The following CCDC3 variants were observed in gnomAD, a reference collection of about 807,000 sequenced individuals.
The protein encoded by CCDC3 is coiled-coil domain-containing protein 3.
A neutral mutation model predicts 21.4 loss-of-function variants in CCDC3; 24 were observed. The ratio of observed to expected loss-of-function variants is 1.12; its 90% confidence interval spans 0.81 to 1.58. The LOEUF is 1.58. Among genes scored for constraint, CCDC3 ranks in the 40% most tolerant of loss-of-function variants. The probability of loss-of-function intolerance (pLI) is 0.00; values close to 1 mark genes in which losing one functional copy is unlikely to be tolerated. For missense variants in CCDC3, 425 were observed against 360.9 expected, an observed-to-expected ratio of 1.18 and a Z score of -1.44; for synonymous variants, 186 against 166.0, an observed-to-expected ratio of 1.12 and a Z score of -0.93.
intron 5 of CCDC3, among the ~76,000 whole-genome samples, chr10:13,017,246 G>A (rs902403605): frequency 2.0e-5 from 3 of 151,974 alleles, no homozygotes; most frequent in Non-Finnish European, 2.9e-5. Context: ...GCCAGGCACG[G>A]TGGCTCACGT....
At chr10:13,046,707 CAAA>C (rs35466054) in intron 5 of CCDC3, among the ~76,000 whole-genome samples, 74 of 138,082 alleles carry the variant, frequency 5.4e-4, no homozygotes, top group South Asian at 4.7e-4. Context: ...AACTCCGTCT[CAAA>C]AAAAAAAAAA....
At chr10:13,089,628 C>T (rs186665825) in intron 3 of CCDC3, among the ~76,000 whole-genome samples, 571 of 152,064 alleles carry the variant, frequency 3.8e-3, no homozygotes, top group Non-Finnish European at 6.7e-3. Flanking sequence ...TCAGCACCCC[C>T]CCTTAAATTG....
chr10:12,979,816 GTTGAT>G (rs1835468295), intron 2 of CCDC3, among the ~76,000 whole-genome samples: 1 of 152,158 alleles, frequency 6.6e-6, no homozygotes, highest in Admixed American at 6.5e-5. Context: ...AATGATATGG[GTTGAT>G]TTGTTCACTT....
At chr10:12,958,766 C>A (rs1255590245) in intron 2 of CCDC3, among the ~76,000 whole-genome samples, 1 of 152,174 alleles carries the variant, frequency 6.6e-6, no homozygotes, top group Non-Finnish European at 1.5e-5. Flanking sequence ...TCAGCCTCAT[C>A]CTCATCCTCG....
intron 2 of CCDC3, among the ~76,000 whole-genome samples, chr10:12,927,398 G>A (rs934221614): frequency 6.6e-6 from 1 of 152,086 alleles, no homozygotes; most frequent in African/African-American, 2.4e-5. Context: ...CTCAATACTA[G>A]CTAATACTCA....
chr10:12,927,426 ATTTC>A (rs1834560962), intron 2 of CCDC3, among the ~76,000 whole-genome samples: 1 of 152,184 alleles, frequency 6.6e-6, no homozygotes, highest in Non-Finnish European at 1.5e-5. Context: ...TGCCTCACAG[ATTTC>A]TTTTTTATAT....
intron 5 of CCDC3, among the ~76,000 whole-genome samples, chr10:13,014,882 G>T (rs1345429821): frequency 6.6e-6 from 1 of 152,050 alleles, no homozygotes; most frequent in South Asian, 2.1e-4. Flanking sequence ...GAAACAGTGT[G>T]GTAATTGTGC....
intron 2 of CCDC3, among the ~76,000 whole-genome samples, chr10:12,986,956 CAA>C (rs2131276755): frequency 6.6e-6 from 1 of 152,236 alleles, no homozygotes; most frequent in South Asian, 2.1e-4. Flanking sequence ...AGTATAGTCA[CAA>C]ATCCTGACCC....
In CCDC3 at chr10:12,944,156, G is replaced by A. The variant is rs983675047; in HGVS notation, c.550-45477C>T. Reference sequence around the variant, plus strand: ...ATTTTACCCCAAAATATATTTCTTTGACATATTCCAAAATGGCCCTACAAA... The same window carrying A: ...ATTTTACCCCAAAATATATTTCTTTAACATATTCCAAAATGGCCCTACAAA... On this transcript the variant is annotated intron_variant, in intron 2 of 2. Transcript: ENST00000378825. Among the ~76,000 whole-genome samples, 72 of 152,256 alleles carry A rather than the reference G, an allele frequency of 4.7e-4. 1 individual carries two copies. The highest frequency in any genetic ancestry group is 1.6e-3 in the African/African-American group (68 of 41,546).
At chr10:13,085,465 T>C (rs932269909) in intron 3 of CCDC3, among the ~76,000 whole-genome samples, 2 of 152,220 alleles carry the variant, frequency 1.3e-5, no homozygotes, top group African/African-American at 2.4e-5. Flanking sequence ...ACACAGCAGA[T>C]GGATTTTCAG....
intron 2 of CCDC3, among the ~76,000 whole-genome samples, chr10:12,968,314 T>G (rs1835292800): frequency 6.6e-6 from 1 of 151,938 alleles, no homozygotes; most frequent in South Asian, 2.1e-4. Context: ...AGTAGAAACC[T>G]AAGCCGTGAA....
chr10:12,938,930 CCTT>C (rs1357379541), intron 2 of CCDC3, among the ~76,000 whole-genome samples: 1 of 152,208 alleles, frequency 6.6e-6, no homozygotes, highest in Non-Finnish European at 1.5e-5. Context: ...AATCCCCTTG[CCTT>C]CTTGTCTTTT....
At chr10:12,920,796 C>T (rs1402254523) in intron 2 of CCDC3, among the ~76,000 whole-genome samples, 1 of 152,138 alleles carries the variant, frequency 6.6e-6, no homozygotes, top group Non-Finnish European at 1.5e-5. Flanking sequence ...TGCCTAAGTC[C>T]CCGTGACAAG....
chr10:12,898,815 C>G, intron 2 of CCDC3, 136 bp from the exon 3 acceptor site: 1 of 1,016,650 alleles, frequency 9.8e-7, no homozygotes, highest in South Asian at 1.7e-5. Flanking sequence ...GGGCATAAAC[C>G]CCAGGATGTC....
intron 5 of CCDC3, among the ~76,000 whole-genome samples, chr10:13,024,222 C>T (rs1589043281): frequency 6.6e-6 from 1 of 150,590 alleles, no homozygotes; most frequent in Admixed American, 6.6e-5. Context: ...TATCTCTTTC[C>T]TTAGTTTTTT....
intron 2 of CCDC3, among the ~76,000 whole-genome samples, chr10:12,916,093 T>G (rs1387268604): frequency 2.6e-5 from 4 of 151,986 alleles, no homozygotes; most frequent in African/African-American, 9.7e-5. Context: ...AGAATAGCAA[T>G]GCAGGGGCTG....
chr10:13,077,476 C>A (rs938020302), intron 3 of CCDC3, among the ~76,000 whole-genome samples: 1 of 152,164 alleles, frequency 6.6e-6, no homozygotes, highest in Non-Finnish European at 1.5e-5. Flanking sequence ...ATTAAGCTAC[C>A]AATGACTTTC....
upstream of CCDC3, among the ~76,000 whole-genome samples, chr10:13,002,504 G>A (rs1212654990): frequency 1.3e-5 from 2 of 152,010 alleles, no homozygotes; most frequent in Non-Finnish European, 2.9e-5. Flanking sequence ...ATCCTCCCAG[G>A]TCAGTCTCCC....
chr10:12,981,708 A>G (rs1046461283), intron 2 of CCDC3, among the ~76,000 whole-genome samples: 2 of 152,204 alleles, frequency 1.3e-5, no homozygotes, highest in Non-Finnish European at 2.9e-5. Context: ...GAAGTAGTCC[A>G]TGGCAAGAGT....
Sources: gnomAD v4.1 joint callset for allele counts (sites outside exome capture counted in the v4.1 genomes callset) on GRCh38, gnomAD v4.1.1 for gene constraint, MANE v1.5 for transcripts, NCBI Gene and HGNC (gene_info 2026-07-23, HGNC 2026-07-21) for gene names.